PDE3B: variants seen among roughly 807,000 people sequenced by gnomAD.
The protein encoded by PDE3B is cGMP-inhibited 3',5'-cyclic phosphodiesterase 3B.
PDE3B carries 66 observed loss-of-function variants against 116.8 expected under a neutral mutation model. The observed-to-expected ratio is 0.56, with a 90% CI of 0.46 to 0.69. The LOEUF (loss-of-function observed/expected upper bound fraction) is 0.69, where lower values mean the gene tolerates loss of function less well. Among genes scored for constraint, PDE3B ranks in the 30% least tolerant of loss-of-function variants. PDE3B has a pLI of 0.00. For synonymous variants in PDE3B, 595 were observed against 533.6 expected (o/e 1.12, Z -1.59); for missense variants, 1,384 against 1,368.1 (o/e 1.01, Z -0.18).
intron 14 of PDE3B, among the ~76,000 whole-genome samples, chr11:14,866,278 G>A (rs1555008036): frequency 6.6e-6 from 1 of 152,164 alleles, no homozygotes; most frequent in Non-Finnish European, 1.5e-5. Flanking sequence ...GCAGGAAAAT[G>A]TCATCTGATA....
intron 5 of PDE3B, among the ~76,000 whole-genome samples, chr11:14,813,540 A>G (rs540579357): frequency 3.9e-5 from 6 of 152,320 alleles, no homozygotes; most frequent in Admixed American, 1.3e-4. Flanking sequence ...AACCCTTGTC[A>G]TTACATTGAG....
intron 2 of PDE3B, chr11:14,772,504 G>T (rs1173189607): frequency 2.6e-5 from 4 of 152,048 alleles, no homozygotes; most frequent in Non-Finnish European, 5.9e-5. Context: ...CATGTAACTG[G>T]TACTGATATG....
intron 4 of PDE3B, among the ~76,000 whole-genome samples, chr11:14,795,935 T>C (rs998280862): frequency 2.0e-5 from 3 of 152,168 alleles, no homozygotes; most frequent in African/African-American, 4.8e-5. Flanking sequence ...TGCAGTTTTG[T>C]TACATAGGTA....
chr11:14,721,257 TAA>T (rs1376063108), intron 1 of PDE3B, among the ~76,000 whole-genome samples: 3 of 152,078 alleles, frequency 2.0e-5, no homozygotes, highest in Non-Finnish European at 4.4e-5. Context: ...TGGCAATCAT[TAA>T]AAAGTCAGGA....
rs745390131 is a variant in PDE3B, at chr11:14,644,606, GGATGGC to G, written c.534_539del (p.Gly179_Asp180del). The G allele has an allele frequency of 6.5e-7, 1 of 1,546,800 alleles. No homozygotes were observed. The highest frequency in any genetic ancestry group is 8.7e-7 in the Non-Finnish European group (1 of 1,149,144). On this transcript the variant is annotated inframe_deletion, in exon 1 of 16. Coordinates refer to ENST00000282096, the MANE Select transcript of PDE3B (RefSeq NM_000922.4). ...GGCAGTGGTGGTCTTGGCCTTGGGG[GGATGGC>G]GACGCAGGGTCCGCGGCCCCGCACA...
chr11:14,826,962 C>G (rs939610175), intron 7 of PDE3B, among the ~76,000 whole-genome samples: 3 of 152,078 alleles, frequency 2.0e-5, no homozygotes, highest in Non-Finnish European at 4.4e-5. Context: ...ATCTAAAAGG[C>G]AATCCACCAT....
At chr11:14,724,742 G>A (rs1363860812) in intron 1 of PDE3B, among the ~76,000 whole-genome samples, 1 of 152,204 alleles carries the variant, frequency 6.6e-6, no homozygotes, top group Non-Finnish European at 1.5e-5. Flanking sequence ...GGTTAAGAAT[G>A]CCTTGTGAGA....
chr11:14,674,809 T>C (rs906820986), intron 1 of PDE3B, among the ~76,000 whole-genome samples: 2 of 152,190 alleles, frequency 1.3e-5, no homozygotes, highest in Non-Finnish European at 2.9e-5. Context: ...TTTATTACTA[T>C]TCTAAGAAAA....
intron 15 of PDE3B, among the ~76,000 whole-genome samples, chr11:14,868,858 T>C (rs1257044460): frequency 6.6e-6 from 1 of 152,018 alleles, no homozygotes; most frequent in African/African-American, 2.4e-5. Flanking sequence ...CCATCTCTAC[T>C]AAAAATACAA....
Position 14,867,685 on chromosome 11 carries a change from T to C in PDE3B, c.3066T>C (p.Thr1022=). The C allele has an allele frequency of 6.2e-7, 1 of 1,613,714 alleles. No homozygotes were observed. ...QWLEAEEDND[T]ESGDDEDGEE... is the part of the protein sequence containing the mutation. Reference sequence around the variant, plus strand: ...TAGAAGCAGAAGAGGATAATGATACTGAAAGTGGTGATGATGAAGACGGTG... The same window carrying C: ...TAGAAGCAGAAGAGGATAATGATACCGAAAGTGGTGATGATGAAGACGGTG... The change falls in exon 15 of 16, where the codon ACT becomes ACC. Residue 1022 remains threonine, a synonymous_variant. Transcript: ENST00000282096.
intron 1 of PDE3B, among the ~76,000 whole-genome samples, chr11:14,655,780 T>G (rs55732754): frequency 1.3e-5 from 2 of 152,182 alleles, no homozygotes; most frequent in African/African-American, 4.8e-5. Flanking sequence ...TGGTAAACCA[T>G]GTGATGGTAA....
intron 4 of PDE3B, among the ~76,000 whole-genome samples, chr11:14,793,755 C>A (rs1046752549): frequency 2.0e-5 from 3 of 152,140 alleles, no homozygotes; most frequent in Non-Finnish European, 4.4e-5. Flanking sequence ...ACCCATGAGT[C>A]ACCATTTATC....
At chr11:14,841,846 C>A (rs1847476624) in intron 11 of PDE3B, among the ~76,000 whole-genome samples, 1 of 150,202 alleles carries the variant, frequency 6.7e-6, no homozygotes, top group Non-Finnish European at 1.5e-5. Context: ...GTTTTGATTA[C>A]TATCGCTTTG....
chr11:14,721,524 C>G (rs892972576), intron 1 of PDE3B, among the ~76,000 whole-genome samples: 2 of 151,514 alleles, frequency 1.3e-5, no homozygotes, highest in Non-Finnish European at 2.9e-5. Flanking sequence ...GGAACCGACC[C>G]AAATGTCCAA....
intron 2 of PDE3B, among the ~76,000 whole-genome samples, chr11:14,778,658 C>T (rs777059011): frequency 4.7e-4 from 71 of 152,238 alleles, no homozygotes; most frequent in African/African-American, 1.2e-3. Flanking sequence ...ACCAGAACCC[C>T]GTCTGACGTC....
chr11:14,893,518 CAGAG>C, the PDE3B span, among the ~76,000 whole-genome samples: 3 of 152,198 alleles, frequency 2.0e-5, no homozygotes, highest in Non-Finnish European at 4.4e-5. Flanking sequence ...CCAGGGCTGA[CAGAG>C]AGGTGTTAGT....
chr11:14,799,609 G>A (rs888632819), intron 4 of PDE3B, among the ~76,000 whole-genome samples: 3 of 151,778 alleles, frequency 2.0e-5, no homozygotes, highest in South Asian at 2.1e-4. Context: ...TATGAATCTC[G>A]GTGCTCTTAT....
At chr11:14,835,437 T>A (rs569840201) in intron 11 of PDE3B, among the ~76,000 whole-genome samples, 189 of 150,518 alleles carry the variant, frequency 1.3e-3, no homozygotes, top group East Asian at 1.8e-3. Context: ...TTTGTTTTTT[T>A]AAAAAAAATT....
chr11:14,794,388 C>T (rs1858485961), intron 4 of PDE3B, among the ~76,000 whole-genome samples: 1 of 151,724 alleles, frequency 6.6e-6, no homozygotes, highest in Non-Finnish European at 1.5e-5. Flanking sequence ...ACGATCTCTG[C>T]CCACTGCAGT....
Sources: gnomAD v4.1 joint callset for allele counts (sites outside exome capture counted in the v4.1 genomes callset) on GRCh38, gnomAD v4.1.1 for gene constraint, MANE v1.5 for transcripts, NCBI Gene and HGNC (gene_info 2026-07-23, HGNC 2026-07-21) for gene names.